The following RBM12 variants were observed in gnomAD, a reference collection of about 807,000 sequenced individuals.
RBM12 encodes the protein RNA-binding protein 12.
Under a neutral mutation model 37.2 loss-of-function variants are expected in RBM12, and 24 were observed. The ratio of observed to expected loss-of-function variants is 0.65; its 90% CI spans 0.47 to 0.91. The LOEUF (loss-of-function observed/expected upper bound fraction) is 0.91, where lower values mean the gene tolerates loss of function less well. Ranked by LOEUF, RBM12 falls within the 40% of genes least tolerant of loss-of-function variation. The pLI is 0.00. For missense variants in RBM12, 1,061 were observed against 1,183.2 expected, an observed-to-expected ratio of 0.90 and a Z score of 1.52; for synonymous variants, 420 against 425.2, an observed-to-expected ratio of 0.99 and a Z score of 0.15.
At chr20:35,657,297 G>C (rs2033954703) in intron 2 of RBM12, among the ~76,000 whole-genome samples, 1 of 152,188 alleles carries the variant, frequency 6.6e-6, no homozygotes, top group African/African-American at 2.4e-5. Context: ...CTATAAGGAG[G>C]TTCATCAAGC....
intron 2 of RBM12, among the ~76,000 whole-genome samples, chr20:35,656,509 C>T (rs1012196648): frequency 6.6e-6 from 1 of 152,124 alleles, no homozygotes; most frequent in Non-Finnish European, 1.5e-5. Context: ...AGGGTGTTTT[C>T]CAACCCATCT....
rs1235992923 is a variant in RBM12 at position 35,653,651 on chromosome 20, T to C, written c.1672A>G (p.Met558Val). The C allele has an allele frequency of 3.1e-6, 5 of 1,614,100 alleles. No individual in the cohort carries two copies. In the African/African-American group the frequency reaches 4.0e-5, roughly 13 times the overall value. ...CCTTCTAGGAACTGAAGAACATCCA[T>C]CTTTGTAATGCTGAATGGAATATTT... ...ITNIPFSITK[M>V]DVLQFLEGIP... The change falls in exon 3 of 3, where the codon ATG becomes GTG. Residue 558 changes from methionine (M) to valine (V), a missense_variant. Transcript: ENST00000374114.
intron 2 of RBM12, among the ~76,000 whole-genome samples, chr20:35,658,618 G>A (rs1024654262): frequency 3.9e-5 from 6 of 151,946 alleles, no homozygotes; most frequent in African/African-American, 7.3e-5. Context: ...AAAATTAGCC[G>A]GGTATGGTGG....
Position 35,652,673 on chromosome 20 carries a change from C to T in RBM12, c.2650G>A (p.Gly884Ser), listed in dbSNP as rs1435753617. 4 of 1,614,012 alleles carry T rather than the reference C, an allele frequency of 2.5e-6. No homozygotes were observed. The African/African-American group carries it at 5.3e-5, about 22-fold the overall frequency. ...TCATTGTATTTTAAACACACTGAGC[C>T]TGGGATTACTTGATAGCCATAAAAG... ...DFFYGYQVIPGSVCLKYNEKG... is the reference protein window; with the variant it reads ...DFFYGYQVIPSSVCLKYNEKG... Residue 884 changes from glycine to serine, a missense_variant, in exon 3 of 3, where the codon GGC becomes AGC. This residue lies in a region of RBM12 where 517 missense variants were observed against 534.0 expected (regional missense o/e 0.97). Coordinates refer to ENST00000374114, the MANE Select transcript of RBM12 (RefSeq NM_006047.6).
At chr20:35,656,592 C>T (rs535962551) in intron 2 of RBM12, among the ~76,000 whole-genome samples, 63 of 152,274 alleles carry the variant, frequency 4.1e-4, no homozygotes, top group African/African-American at 1.4e-3. Flanking sequence ...TGCAGTGCAA[C>T]GGCACGATCT....
At position 35,651,240 on chromosome 20, in the gene RBM12, T is replaced by C. The variant is rs2033492427; in HGVS notation, c.*1284A>G. ...CATAATTAGAGCCTTGTAAGGCAAGTGTTTTCATGACAAGGACACTTACCA... is the reference window on the plus strand; with the variant it reads ...CATAATTAGAGCCTTGTAAGGCAAGCGTTTTCATGACAAGGACACTTACCA... On this transcript the variant is annotated 3_prime_UTR_variant, in exon 3 of 3. Coordinates refer to ENST00000374114, the MANE Select transcript of RBM12 (RefSeq NM_006047.6). 1 of 152,244 alleles carries C rather than the reference T, an allele frequency of 6.6e-6. No individual in the cohort carries two copies. The highest frequency in any genetic ancestry group is 2.4e-5 in the African/African-American group (1 of 41,476). The allele number at this position is 152,244 out of a possible 1,614,324, so 9.4% of individuals were successfully genotyped here.
Position 35,653,002 on chromosome 20 carries a change from C to G in RBM12, c.2321G>C (p.Gly774Ala). ...TGGCCCACTTAAATTGTTTGGTCCA[C>G]CTCCAAAACCCGGAACATCCAGTCC... ...GLGLDVPGFG[G>A]GPNNLSGPSG... The change falls in exon 3 of 3, where the codon GGT becomes GCT. Residue 774 changes from glycine (G) to alanine (A), a missense_variant. By Grantham distance (60) the Gly-to-Ala change is moderately conservative. This residue lies in a region of RBM12 where 517 missense variants were observed against 534.0 expected (regional missense o/e 0.97). Coordinates refer to ENST00000374114, the MANE Select transcript of RBM12 (RefSeq NM_006047.6). 1 of 1,613,826 alleles carries G rather than the reference C, an allele frequency of 6.2e-7. No homozygotes were observed. Among genetic ancestry groups the G allele is most frequent in the East Asian group, 2.2e-5 (1 of 44,886 alleles).
Position 35,653,389 on chromosome 20 carries a change from C to T in RBM12, c.1934G>A (p.Gly645Asp). 1 of 1,614,182 alleles carries T rather than the reference C, an allele frequency of 6.2e-7. No individual in the cohort carries two copies. Among genetic ancestry groups the T allele is most frequent in the South Asian group, 1.1e-5 (1 of 91,088 alleles). ...GKKGLKMPVP[G>D]NPAVPGMPNA... ...GGGCATTCCTGGAACTGCAGGATTACCTGGCACAGGCATCTTTAATCCCTT... is the reference window on the plus strand; with the variant it reads ...GGGCATTCCTGGAACTGCAGGATTATCTGGCACAGGCATCTTTAATCCCTT... Residue 645 changes from glycine (G) to aspartate (D), a missense_variant, in exon 3 of 3, where the codon GGT (glycine) becomes GAT (aspartate). Gly to Asp is a moderately conservative substitution (Grantham distance 94, BLOSUM62 -1). This residue lies in a region of RBM12 where 517 missense variants were observed against 534.0 expected (regional missense o/e 0.97). Transcript: ENST00000374114.
At position 35,654,307 on chromosome 20, in the gene RBM12, A is replaced by G. The variant is rs1290517487; in HGVS notation, c.1016T>C (p.Val339Ala). Residue 339 changes from valine to alanine, a missense_variant, in exon 3 of 3, where the codon GTA (valine) becomes GCA (alanine). Val to Ala is a moderately conservative substitution (Grantham distance 64). Coordinates refer to ENST00000374114, the MANE Select transcript of RBM12 (RefSeq NM_006047.6). The stretch of plus-strand genomic sequence containing the variant: ...CAATCCATTCCCATTATTTCGACCT[A>G]CATGATCTTTCAACAAATGCACTGC... Reference protein sequence around the residue: ...VDAVHLLKDHVGRNNGNGLVK... With the variant: ...VDAVHLLKDHAGRNNGNGLVK... The G allele has an allele frequency of 1.9e-6, 3 of 1,614,230 alleles. No homozygotes were observed. The highest frequency in any genetic ancestry group is 2.2e-5 in the South Asian group (2 of 91,086).
At position 35,652,811 on chromosome 20, in the gene RBM12, T is replaced by C. The variant is rs371961881; in HGVS notation, c.2512A>G (p.Ile838Val). ...GPGPGPGPGPIHIGGPPGFAS... is the reference protein window; with the variant it reads ...GPGPGPGPGPVHIGGPPGFAS... ...AAGCCAGGGGGACCACCAATATGGA[T>C]TGGGCCAGGGCCGGGGCCGGGGCCG... Residue 838 changes from isoleucine (I) to valine (V), a missense_variant, in exon 3 of 3, where the codon ATC (isoleucine) becomes GTC (valine). By Grantham distance (29) the Ile-to-Val change is conservative. Transcript: ENST00000374114. The C allele has an allele frequency of 1.4e-5, 22 of 1,590,094 alleles. No individual in the cohort carries two copies. Among genetic ancestry groups the C allele is most frequent in the African/African-American group, 8.1e-5 (6 of 74,486 alleles).
intron 1 of RBM12, among the ~76,000 whole-genome samples, chr20:35,659,554 C>G (rs2034114535): frequency 6.6e-6 from 1 of 152,158 alleles, no homozygotes; most frequent in African/African-American, 2.4e-5. Context: ...AGTATGAGTT[C>G]TTGCTATAAG....
chr20:35,653,435 T>C lies in RBM12; in HGVS notation c.1888A>G (p.Asn630Asp). Residue 630 changes from asparagine to aspartate, a missense_variant, in exon 3 of 3, where the codon AAT (asparagine) becomes GAT (aspartate). By Grantham distance (23) the Asn-to-Asp change is conservative (BLOSUM62 1). Transcript: ENST00000374114. ...TLEDMREIEK[N>D]PPAQGKKGLK... ...CCCTTTTTTCCTTGGGCAGGGGGAT[T>C]TTTCTCAATCTCTCTCATATCTTCT... 1 of 1,614,122 alleles carries C rather than the reference T, an allele frequency of 6.2e-7. No individual in the cohort carries two copies.
chr20:35,658,718 C>T (rs930206488), intron 2 of RBM12, among the ~76,000 whole-genome samples: 1 of 151,928 alleles, frequency 6.6e-6, no homozygotes, highest in Admixed American at 6.6e-5. Context: ...CGAGATGGCA[C>T]CACTGCACTC....
Position 35,653,849 on chromosome 20 carries a change from T to A in RBM12, c.1474A>T (p.Lys492Ter). ...ATAAAGCGATTGCCCATGTACTGTT[T>A]ATGACGACACAGAGCAGCCTTATAG... ...ADYKAALCRH[K>*]QYMGNRFIQV... The change falls in exon 3 of 3, where the codon AAA becomes TAA. Residue 492 changes from lysine (K) to a stop codon, truncating the protein, a stop_gained. Transcript: ENST00000374114. LOFTEE classifies it high-confidence loss of function. The A allele has an allele frequency of 6.2e-7, 1 of 1,613,964 alleles. No individual in the cohort carries two copies. Among genetic ancestry groups the A allele is most frequent in the Non-Finnish European group, 8.5e-7 (1 of 1,180,038 alleles).
Position 35,653,053 on chromosome 20 carries a change from A to C in RBM12, c.2270T>G (p.Val757Gly). Residue 757 changes from valine (V) to glycine (G), a missense_variant, in exon 3 of 3, where the codon GTT becomes GGT. By Grantham distance (109) the Val-to-Gly change is moderately radical (BLOSUM62 -3). This residue lies in a region of RBM12 where 517 missense variants were observed against 534.0 expected (regional missense o/e 0.97). Transcript: ENST00000374114. Reference protein sequence around the residue: ...FGDARPGMPSVGNSGLPGLGL... With the variant: ...FGDARPGMPSGGNSGLPGLGL... Reference sequence around the variant, plus strand: ...TAGACCAGGCAAACCACTGTTTCCAACTGAAGGCATACCAGGCCTAGCATC... The same window carrying C: ...TAGACCAGGCAAACCACTGTTTCCACCTGAAGGCATACCAGGCCTAGCATC... 6.2e-7 allele frequency: 1 copy of C among 1,613,954 alleles called. No individual in the cohort carries two copies. Among genetic ancestry groups the C allele is most frequent in the Admixed American group, 1.7e-5 (1 of 60,036 alleles).
Position 35,649,780 on chromosome 20 carries a change from G to A in RBM12, c.*2744C>T, listed in dbSNP as rs566939212. On this transcript the variant is annotated 3_prime_UTR_variant, in exon 3 of 3. Coordinates refer to ENST00000374114, the MANE Select transcript of RBM12 (RefSeq NM_006047.6). The stretch of plus-strand genomic sequence containing the variant: ...CCAATAAAAAAAAAATCAGAAGGGA[G>A]AGGAAAAAAAATTAAATCTAATGGA... 3.3e-5 allele frequency: 5 copies of A among 151,998 alleles called. No homozygotes were observed. In the East Asian group the frequency reaches 7.7e-4, roughly 23 times the overall value. 9.4% of individuals were successfully genotyped at this position (151,998 alleles called of 1,614,324 possible).
intron 2 of RBM12, among the ~76,000 whole-genome samples, chr20:35,656,838 A>C (rs1374968894): frequency 6.8e-6 from 1 of 146,972 alleles, no homozygotes; most frequent in Non-Finnish European, 1.5e-5. Flanking sequence ...TAAGCCCATA[A>C]AATCAGCTCA....
intron 1 of RBM12, among the ~76,000 whole-genome samples, chr20:35,661,233 C>T (rs2034215519): frequency 6.6e-6 from 1 of 152,172 alleles, no homozygotes; most frequent in South Asian, 2.1e-4. Flanking sequence ...AACTGAAATA[C>T]TTCTGTGTTG....
rs748109549 is a variant in RBM12 at position 35,649,729 on chromosome 20, C to T, written c.*2795G>A. On this transcript the variant is annotated 3_prime_UTR_variant, in exon 3 of 3. Coordinates refer to ENST00000374114, the MANE Select transcript of RBM12 (RefSeq NM_006047.6). ...ACATACATTTGTAGATTTCTCTAATCCTTTAAATCAAAAGAAAAATGAACA... is the reference window on the plus strand; with the variant it reads ...ACATACATTTGTAGATTTCTCTAATTCTTTAAATCAAAAGAAAAATGAACA... The T allele has an allele frequency of 5.3e-5, 8 of 152,098 alleles. No homozygotes were observed. The South Asian group carries it at 1.5e-3, about 28-fold the overall frequency. The allele number at this position is 152,098 out of a possible 1,614,324, so 9.4% of individuals were successfully genotyped here. A position where few individuals can be genotyped will look rare whatever the true frequency, so the allele number is the denominator to read the frequency against.
Sources: gnomAD v4.1 joint callset for allele counts (sites outside exome capture counted in the v4.1 genomes callset) on GRCh38, gnomAD v4.1.1 for gene constraint, gnomAD v4.1.1 regional missense constraint, MANE v1.5 for transcripts, NCBI Gene and HGNC (gene_info 2026-07-23, HGNC 2026-07-21) for gene names.